Variants in GALNT14 observed in about 807,000 individuals in gnomAD.
GALNT14 encodes the protein polypeptide N-acetylgalactosaminyltransferase 14, also known as UDP-GalNAc:polypeptide N-acetylgalactosaminyltransferase 14.
A neutral mutation model predicts 77.5 loss-of-function variants in GALNT14; 60 were observed. That is an observed-to-expected ratio of 0.77 (90% CI 0.63 to 0.96). The LOEUF is 0.96. GALNT14 is among the 40% of genes least tolerant of loss of function. GALNT14 has a pLI of 0.00. For missense variants in GALNT14, 710 were observed against 731.0 expected (o/e 0.97, Z 0.33); for synonymous variants, 280 against 281.7 (o/e 0.99, Z 0.06).
chr2:31,080,002 G>A (rs1257241582), intron 1 of GALNT14, among the ~76,000 whole-genome samples: 2 of 152,196 alleles, frequency 1.3e-5, no homozygotes, highest in African/African-American at 4.8e-5. Flanking sequence ...TTTGGCTTAG[G>A]CAGGCATGAG....
the GALNT14 span, among the ~76,000 whole-genome samples, chr2:30,903,304 A>C: frequency 6.6e-6 from 1 of 152,240 alleles, no homozygotes; most frequent in Non-Finnish European, 1.5e-5. Flanking sequence ...CAGATTCTAA[A>C]ATGGCTCCCA....
chr2:31,047,917 C>T (rs1228378464), intron 1 of GALNT14, among the ~76,000 whole-genome samples: 2 of 152,246 alleles, frequency 1.3e-5, no homozygotes, highest in African/African-American at 4.8e-5. Flanking sequence ...CCGAAGCTGG[C>T]CCACCTTCCT....
chr2:31,013,249 A>C (rs921585264), intron 1 of GALNT14, among the ~76,000 whole-genome samples: 18 of 150,642 alleles, frequency 1.2e-4, no homozygotes, highest in African/African-American at 4.2e-4. Flanking sequence ...TGGAACACAC[A>C]AAACAGTCTT....
chr2:31,116,290 A>G (rs976470875), intron 1 of GALNT14, among the ~76,000 whole-genome samples: 1 of 152,168 alleles, frequency 6.6e-6, no homozygotes, highest in Admixed American at 6.5e-5. Context: ...ATTCAATTAT[A>G]TCTACTATTT....
chr2:30,908,218 A>T (rs1380408393), downstream of GALNT14, among the ~76,000 whole-genome samples: 103 of 151,740 alleles, frequency 6.8e-4, 2 homozygotes, highest in East Asian at 0.019. Context: ...CAGGGCAATC[A>T]GGCAGGAGAA....
intron 1 of GALNT14, among the ~76,000 whole-genome samples, chr2:31,095,756 C>T (rs1053670573): frequency 6.6e-6 from 1 of 152,268 alleles, no homozygotes; most frequent in East Asian, 1.9e-4. Context: ...CTCGTAGTAG[C>T]TGTAAGACAT....
chr2:31,025,760 A>G (rs1465843234), intron 1 of GALNT14, among the ~76,000 whole-genome samples: 1 of 152,218 alleles, frequency 6.6e-6, no homozygotes, highest in African/African-American at 2.4e-5. Context: ...AGAGATTTAA[A>G]CAAAGTGGCT....
rs371495879 is a variant in GALNT14, at chr2:31,099,935, T to C, written c.129+38023A>G. 1.4e-4 allele frequency among the ~76,000 whole-genome samples: 22 copies of C among 152,154 alleles called. 1 individual carries two copies. The South Asian group carries it at 3.3e-3, about 23-fold the overall frequency. On this transcript the variant is annotated intron_variant, in intron 1 of 14. Transcript: ENST00000349752. ...AAAATTATCTATTGATACTTTTATTTAGATTGTGTTTGATTTATAAATTAA... is the reference window on the plus strand; with the variant it reads ...AAAATTATCTATTGATACTTTTATTCAGATTGTGTTTGATTTATAAATTAA...
At chr2:31,129,967 A>G (rs1678895782) in intron 1 of GALNT14, among the ~76,000 whole-genome samples, 1 of 152,206 alleles carries the variant, frequency 6.6e-6, no homozygotes, top group African/African-American at 2.4e-5. Context: ...GAGCAGGATC[A>G]TTAGGAAGAA....
At chr2:30,955,297 T>C (rs1438899234) in intron 6 of GALNT14, among the ~76,000 whole-genome samples, 1 of 152,122 alleles carries the variant, frequency 6.6e-6, no homozygotes, top group Non-Finnish European at 1.5e-5. Context: ...AACCTTCTGC[T>C]CTCCGGTAGA....
At chr2:31,067,508 A>G (rs11683997) in intron 1 of GALNT14, among the ~76,000 whole-genome samples, 29,778 of 151,954 alleles carry the variant, frequency 0.2, 4,945 homozygotes, top group African/African-American at 0.45. Flanking sequence ...GGGTGCACTC[A>G]CTCAGGAAAG....
At chr2:30,939,871 C>T (rs745571320) in intron 9 of GALNT14, among the ~76,000 whole-genome samples, 96 of 152,192 alleles carry the variant, frequency 6.3e-4, no homozygotes, top group African/African-American at 2.2e-3. Flanking sequence ...CTGATCTTCA[C>T]GGGGACCCTC....
chr2:31,030,913 G>C (rs1031571368), intron 1 of GALNT14, among the ~76,000 whole-genome samples: 4 of 152,272 alleles, frequency 2.6e-5, no homozygotes, highest in African/African-American at 9.6e-5. Flanking sequence ...CTATTTATCT[G>C]TGTATTTTGC....
chr2:31,050,810 T>C (rs1028548488), intron 1 of GALNT14, among the ~76,000 whole-genome samples: 4 of 150,538 alleles, frequency 2.7e-5, no homozygotes, highest in African/African-American at 9.8e-5. Flanking sequence ...ATGTGCTATT[T>C]GGAGGTGAGG....
At chr2:31,108,886 G>A (rs1234295281) in intron 1 of GALNT14, among the ~76,000 whole-genome samples, 1 of 152,196 alleles carries the variant, frequency 6.6e-6, no homozygotes, top group Non-Finnish European at 1.5e-5. Context: ...AAAAGAGCTT[G>A]GACTATGGGC....
intron 1 of GALNT14, among the ~76,000 whole-genome samples, chr2:31,121,253 T>C (rs17010732): frequency 0.13 from 20,172 of 152,086 alleles, 1,695 homozygotes; most frequent in African/African-American, 0.24. Flanking sequence ...AGGTAATTTC[T>C]CTAAGAGCAG....
At position 30,911,573 on chromosome 2, in the gene GALNT14, C is replaced by T. The variant is rs534192605; in HGVS notation, c.1501-514G>A. On this transcript the variant is annotated intron_variant, in intron 14 of 14. Transcript: ENST00000349752. ...GACTGGACACATCAGGGGAAGCACC[C>T]CGGAGAGGGCACTGAGCACGTTACT... 4.6e-5 allele frequency among the ~76,000 whole-genome samples: 7 copies of T among 152,206 alleles called. No individual in the cohort carries two copies. In the East Asian group the frequency reaches 1.4e-3, roughly 29 times the overall value.
At chr2:30,904,948 C>T in the GALNT14 span, among the ~76,000 whole-genome samples, 2 of 152,028 alleles carry the variant, frequency 1.3e-5, no homozygotes, top group Non-Finnish European at 2.9e-5. Context: ...CCAGCAGGGG[C>T]ACACTGACAC....
At chr2:31,109,682 ATC>A (rs1019633839) in intron 1 of GALNT14, among the ~76,000 whole-genome samples, 9 of 152,218 alleles carry the variant, frequency 5.9e-5, no homozygotes, top group African/African-American at 2.2e-4. Context: ...ATCATTAAAC[ATC>A]TCTCTAGCTT....
Sources: allele counts gnomAD v4.1 joint callset (sites outside exome capture counted in the v4.1 genomes callset), GRCh38; gene constraint gnomAD v4.1.1; transcripts MANE v1.5; gene names NCBI Gene and HGNC (gene_info 2026-07-23, HGNC 2026-07-21).